The following STRBP variants were observed in gnomAD, a reference collection of about 807,000 sequenced individuals.
STRBP encodes the protein spermatid perinuclear RNA binding protein, also known as spermatid perinuclear RNA-binding protein.
A neutral mutation model predicts 80.1 loss-of-function variants in STRBP; 13 were observed. The observed-to-expected ratio is 0.16, with a 90% CI of 0.11 to 0.26. STRBP has a LOEUF of 0.26. Among genes scored for constraint, STRBP ranks in the 10% least tolerant of loss-of-function variants. The pLI is 1.00. For synonymous variants in STRBP, 284 were observed against 291.2 expected (o/e 0.98, Z 0.25); for missense variants, 485 against 815.2 (o/e 0.59, Z 4.93).
chr9:123,250,950 C>T (rs2040900902), intron 1 of STRBP, among the ~76,000 whole-genome samples: 2 of 151,622 alleles, frequency 1.3e-5, no homozygotes, highest in South Asian at 4.2e-4. Flanking sequence ...CCCATTTCTA[C>T]AAAAAAACAA....
intron 2 of STRBP, among the ~76,000 whole-genome samples, chr9:123,210,656 G>A (rs540346215): frequency 2.2e-3 from 341 of 152,012 alleles, no homozygotes; most frequent in African/African-American, 7.2e-3. Flanking sequence ...GTGAAACCCC[G>A]TCTCTACTAA....
At chr9:123,170,610 G>A (rs961691745) in intron 5 of STRBP, among the ~76,000 whole-genome samples, 1 of 152,250 alleles carries the variant, frequency 6.6e-6, no homozygotes, top group African/African-American at 2.4e-5. Context: ...TCCCTTCTCC[G>A]ACAACAGGTC....
At chr9:123,258,881 T>C (rs1185003485) in intron 1 of STRBP, among the ~76,000 whole-genome samples, 2 of 150,648 alleles carry the variant, frequency 1.3e-5, no homozygotes, top group South Asian at 2.1e-4. Flanking sequence ...TAAGAGATGA[T>C]GAGGTCAGAC....
chr9:123,257,176 A>T lies in STRBP; in HGVS notation c.-302+11260T>A, dbSNP rs1426383454. Reference sequence around the variant, plus strand: ...ATATATCGTATCGTCAACAAAATGAACCACTTATTTTCCATACAAATCTTG... The same window carrying T: ...ATATATCGTATCGTCAACAAAATGATCCACTTATTTTCCATACAAATCTTG... On this transcript the variant is annotated intron_variant, in intron 1 of 18. Coordinates refer to ENST00000348403, the MANE Select transcript of STRBP (RefSeq NM_018387.5). Among the ~76,000 whole-genome samples, 3 of 152,042 alleles carry T rather than the reference A, an allele frequency of 2.0e-5. No homozygotes were observed. The East Asian group carries it at 5.8e-4, about 29-fold the overall frequency.
At chr9:123,163,034 A>G (rs2037592655) in intron 6 of STRBP, among the ~76,000 whole-genome samples, 1 of 152,240 alleles carries the variant, frequency 6.6e-6, no homozygotes, top group South Asian at 2.1e-4. Flanking sequence ...TAAGTAATGT[A>G]ATCCCAATAA....
At chr9:123,129,725 T>G (rs2036054584) in intron 17 of STRBP, among the ~76,000 whole-genome samples, 1 of 152,250 alleles carries the variant, frequency 6.6e-6, no homozygotes, top group Admixed American at 6.5e-5. Context: ...CTAGGTCTTC[T>G]CTGAATGCCA....
chr9:123,167,282 AT>A (rs771895808), intron 6 of STRBP, among the ~76,000 whole-genome samples: 3 of 150,930 alleles, frequency 2.0e-5, no homozygotes, highest in African/African-American at 4.9e-5. Flanking sequence ...GTTACAATGG[AT>A]TTTTTTTTAA....
At chr9:123,261,599 C>CA (rs1450160094) in intron 1 of STRBP, among the ~76,000 whole-genome samples, 1 of 152,020 alleles carries the variant, frequency 6.6e-6, no homozygotes, top group Admixed American at 6.5e-5. Context: ...ACTGGCAGAA[C>CA]AAAAAAATCA....
intron 2 of STRBP, among the ~76,000 whole-genome samples, chr9:123,226,087 G>A (rs2040226005): frequency 6.6e-6 from 1 of 152,088 alleles, no homozygotes; most frequent in Non-Finnish European, 1.5e-5. Flanking sequence ...ATACTTCTGG[G>A]CAATAAAAAG....
intron 4 of STRBP, among the ~76,000 whole-genome samples, chr9:123,175,546 T>A (rs1047586411): frequency 6.6e-6 from 1 of 152,142 alleles, no homozygotes; most frequent in Non-Finnish European, 1.5e-5. Flanking sequence ...AAAGGTGGTA[T>A]AAATATAGAA....
intron 1 of STRBP, among the ~76,000 whole-genome samples, chr9:123,261,766 T>C (rs1482287016): frequency 6.6e-6 from 1 of 152,240 alleles, no homozygotes; most frequent in African/African-American, 2.4e-5. Context: ...GATTTTATTC[T>C]CTCCAGCTTT....
At chr9:123,253,177 TAAAG>T (rs1164056932) in intron 1 of STRBP, among the ~76,000 whole-genome samples, 1 of 152,156 alleles carries the variant, frequency 6.6e-6, no homozygotes, top group Non-Finnish European at 1.5e-5. Context: ...TAAAATCATA[TAAAG>T]ACTCATTAAA....
chr9:123,217,439 GAGAC>G (rs1394107257), intron 2 of STRBP, among the ~76,000 whole-genome samples: 1 of 152,164 alleles, frequency 6.6e-6, no homozygotes, highest in African/African-American at 2.4e-5. Context: ...GAAAAATAAT[GAGAC>G]AGTATTTAAA....
intron 5 of STRBP, among the ~76,000 whole-genome samples, chr9:123,172,268 G>A (rs2038043747): frequency 6.6e-6 from 1 of 152,152 alleles, no homozygotes; most frequent in Non-Finnish European, 1.5e-5. Flanking sequence ...AATTCTACAT[G>A]TAAGAGTAAC....
chr9:123,126,398 G>A lies in STRBP; in HGVS notation c.1943-725C>T, dbSNP rs898347903. The stretch of plus-strand genomic sequence containing the variant: ...TACCTTACAGCCAAAATAAAGCATC[G>A]TTTTAGTAGGTTTGCATCACAGTAA... On this transcript the variant is annotated intron_variant, in intron 18 of 18. Transcript: ENST00000348403. This position sits in a 1 kb window ranked among gnomAD's most constrained non-coding sequence, Gnocchi z 4.4. 3.3e-5 allele frequency among the ~76,000 whole-genome samples: 5 copies of A among 152,142 alleles called. No individual in the cohort carries two copies. The highest frequency in any genetic ancestry group is 2.0e-4 in the Admixed American group (3 of 15,270).
intron 1 of STRBP, among the ~76,000 whole-genome samples, chr9:123,267,703 T>C (rs1440832958): frequency 7.0e-6 from 1 of 142,422 alleles, no homozygotes; most frequent in Non-Finnish European, 1.5e-5. Context: ...TCGTTCCCCT[T>C]CACGGGCGTC....
In STRBP at chr9:123,242,897, T is replaced by C. The variant is rs934628039; in HGVS notation, c.-301-5931A>G. Among the ~76,000 whole-genome samples the C allele has an allele frequency of 5.9e-5, 9 of 152,348 alleles. No homozygotes were observed. In the East Asian group the frequency reaches 1.7e-3, roughly 29 times the overall value. ...GTAGAGACACTCCACAGTAAAAATG[T>C]CAATTCTTCCCAAATTTATCTATAG... On this transcript the variant is annotated intron_variant, in intron 1 of 18. Transcript: ENST00000348403.
At chr9:123,198,456 G>A (rs1023111584) in intron 2 of STRBP, among the ~76,000 whole-genome samples, 3 of 151,984 alleles carry the variant, frequency 2.0e-5, no homozygotes, top group Non-Finnish European at 4.4e-5. Context: ...GCTTTTTAAT[G>A]GGATTTTTTT....
Position 123,166,786 on chromosome 9 carries a change from AACAAC to A in STRBP, c.535+3111_535+3115del, listed in dbSNP as rs1432177511. ...CAACAACAACAACAACAACAACAAC[AACAAC>A]AAAAAAACAAGCCAAACGAAAGACT... On this transcript the variant is annotated intron_variant, in intron 6 of 18. Coordinates refer to ENST00000348403, the MANE Select transcript of STRBP (RefSeq NM_018387.5). 6.3e-4 allele frequency among the ~76,000 whole-genome samples: 84 copies of A among 132,948 alleles called. 2 individuals are homozygous for A. The highest frequency in any genetic ancestry group is 4.9e-3 in the Admixed American group (69 of 14,042). The allele number at this position is 132,948 out of a possible 152,430, so 87.2% of individuals were successfully genotyped here. A position where few individuals can be genotyped will look rare whatever the true frequency, so the allele number is the denominator to read the frequency against.
Sources: gnomAD v4.1 joint callset for allele counts (sites outside exome capture counted in the v4.1 genomes callset) on GRCh38, gnomAD v4.1.1 for gene constraint, Gnocchi (gnomAD v3.1) non-coding constraint, MANE v1.5 for transcripts, NCBI Gene and HGNC (gene_info 2026-07-23, HGNC 2026-07-21) for gene names.